Variants in SLC9A9 observed in about 807,000 individuals in gnomAD.
The protein encoded by SLC9A9 is solute carrier family 9 member A9.
In SLC9A9, 62 loss-of-function variants were observed where a neutral mutation model predicts 77.8. The ratio of observed to expected loss-of-function variants is 0.80; its 90% CI spans 0.65 to 0.98. The LOEUF (loss-of-function observed/expected upper bound fraction) is 0.98, where lower values mean the gene tolerates loss of function less well. Among genes scored for constraint, SLC9A9 ranks in the 50% least tolerant of loss-of-function variants. SLC9A9 has a pLI of 0.00. For synonymous variants in SLC9A9, 320 were observed against 283.5 expected, an observed-to-expected ratio of 1.13 and a Z score of -1.29; for missense variants, 775 against 774.9, an observed-to-expected ratio of 1.00 and a Z score of 0.00.
At chr3:143,470,710 C>T (rs960197726) in intron 11 of SLC9A9, among the ~76,000 whole-genome samples, 2 of 152,052 alleles carry the variant, frequency 1.3e-5, no homozygotes, top group African/African-American at 4.8e-5. Context: ...CAAATTAAAA[C>T]TTGCAATAAG....
chr3:143,293,162 A>T (rs1464202319), intron 14 of SLC9A9, among the ~76,000 whole-genome samples: 1 of 152,182 alleles, frequency 6.6e-6, no homozygotes, highest in Non-Finnish European at 1.5e-5. Context: ...ACAGCTGCTC[A>T]GCTGAAATGT....
At chr3:143,296,686 C>A (rs531351956) in intron 14 of SLC9A9, among the ~76,000 whole-genome samples, 1 of 152,172 alleles carries the variant, frequency 6.6e-6, no homozygotes, top group Non-Finnish European at 1.5e-5. Context: ...ACATTCTTAC[C>A]AACACTGGTT....
intron 11 of SLC9A9, among the ~76,000 whole-genome samples, chr3:143,471,711 G>T (rs190976357): frequency 1.3e-5 from 2 of 151,984 alleles, no homozygotes; most frequent in African/African-American, 4.8e-5. Context: ...TTTGAGGGTC[G>T]ACAGACTATA....
At chr3:143,496,230 C>T (rs838599) in intron 9 of SLC9A9, among the ~76,000 whole-genome samples, 33,287 of 152,124 alleles carry the variant, frequency 0.22, 4,777 homozygotes, top group Non-Finnish European at 0.33. Context: ...TTAAGTTGAA[C>T]ATGAAAAACG....
intron 12 of SLC9A9, among the ~76,000 whole-genome samples, chr3:143,403,649 G>A (rs368396023): frequency 1.3e-5 from 2 of 152,126 alleles, no homozygotes; most frequent in South Asian, 2.1e-4. Context: ...AGCATTTTAT[G>A]TTATCTCACT....
At chr3:143,680,198 T>C (rs1304742325) in intron 5 of SLC9A9, among the ~76,000 whole-genome samples, 2 of 152,056 alleles carry the variant, frequency 1.3e-5, no homozygotes, top group African/African-American at 4.8e-5. Context: ...TCTAAACAAA[T>C]TGCTATTGAA....
chr3:143,448,778 A>G (rs941368410), intron 12 of SLC9A9, among the ~76,000 whole-genome samples: 3 of 143,964 alleles, frequency 2.1e-5, no homozygotes, highest in Non-Finnish European at 3.0e-5. Context: ...AGATTATTCC[A>G]GTATAATATG....
intron 6 of SLC9A9, among the ~76,000 whole-genome samples, chr3:143,583,213 G>A (rs1158700105): frequency 6.6e-6 from 1 of 151,940 alleles, no homozygotes; most frequent in Non-Finnish European, 1.5e-5. Flanking sequence ...TTGGAAATAA[G>A]TCCAGGATAT....
At chr3:143,801,270 A>C (rs751764404) in intron 2 of SLC9A9, among the ~76,000 whole-genome samples, 4 of 152,106 alleles carry the variant, frequency 2.6e-5, no homozygotes, top group Non-Finnish European at 5.9e-5. Context: ...TGTCCAAACA[A>C]CTTGACCTTA....
intron 12 of SLC9A9, among the ~76,000 whole-genome samples, chr3:143,440,578 C>T (rs2034714531): frequency 2.6e-5 from 4 of 152,190 alleles, no homozygotes; most frequent in African/African-American, 2.4e-5. Flanking sequence ...TCACGATGCT[C>T]TTCATGTTCC....
At chr3:143,847,996 T>C (rs894735301) in intron 1 of SLC9A9, 152 bp downstream of exon 1, 3 of 814,440 alleles carry the variant, frequency 3.7e-6, no homozygotes, top group Non-Finnish European at 4.0e-6. Flanking sequence ...GTAAAGAGAT[T>C]AGCATTCGTT....
At chr3:143,306,988 A>G (rs890112776) in intron 14 of SLC9A9, among the ~76,000 whole-genome samples, 1 of 152,112 alleles carries the variant, frequency 6.6e-6, no homozygotes, top group Non-Finnish European at 1.5e-5. Flanking sequence ...TCACTTTCTC[A>G]GGGAGGTCCT....
chr3:143,606,400 A>ATCTCTCTCTCTCTCTCTC (rs746582477), intron 6 of SLC9A9, among the ~76,000 whole-genome samples: 4 of 76,446 alleles, frequency 5.2e-5, no homozygotes, highest in African/African-American at 1.1e-4. Flanking sequence ...GAAAGAGTGA[A>ATCTCTCTCTCTCTCTCTC]TCTCTCTCTC....
intron 5 of SLC9A9, among the ~76,000 whole-genome samples, chr3:143,680,271 C>G (rs1933041525): frequency 6.6e-6 from 1 of 151,992 alleles, no homozygotes; most frequent in Non-Finnish European, 1.5e-5. Flanking sequence ...CACACATAAA[C>G]TGACATTAAA....
chr3:143,521,218 T>G (rs2036293723), intron 9 of SLC9A9, among the ~76,000 whole-genome samples: 1 of 152,166 alleles, frequency 6.6e-6, no homozygotes, highest in African/African-American at 2.4e-5. Context: ...TATTTAAATC[T>G]TTAATAAAAT....
At chr3:143,597,285 T>TG (rs1559985998) in intron 6 of SLC9A9, among the ~76,000 whole-genome samples, 1 of 152,088 alleles carries the variant, frequency 6.6e-6, no homozygotes, top group Admixed American at 6.5e-5. Context: ...GCTTAGCTCT[T>TG]GGGGGGCTCG....
chr3:143,517,673 T>G (rs1444478690), intron 9 of SLC9A9: 1 of 1,597,412 alleles, frequency 6.3e-7, no homozygotes, highest in Non-Finnish European at 8.5e-7. Context: ...CGCCCGCCAC[T>G]TGTAAGGCTG....
At chr3:143,823,529 G>T (rs1479072761) in intron 2 of SLC9A9, among the ~76,000 whole-genome samples, 1 of 152,036 alleles carries the variant, frequency 6.6e-6, no homozygotes, top group Non-Finnish European at 1.5e-5. Flanking sequence ...AGACACAAAG[G>T]ATAAATGCTT....
At chr3:143,583,453 T>A (rs914794460) in intron 6 of SLC9A9, among the ~76,000 whole-genome samples, 1 of 152,214 alleles carries the variant, frequency 6.6e-6, no homozygotes, top group Non-Finnish European at 1.5e-5. Flanking sequence ...CTACAACTCA[T>A]CTTTTCTTCT....
Sources: allele counts gnomAD v4.1 joint callset (sites outside exome capture counted in the v4.1 genomes callset), GRCh38; gene constraint gnomAD v4.1.1; transcripts MANE v1.5; gene names NCBI Gene and HGNC (gene_info 2026-07-23, HGNC 2026-07-21).